Variants in GALNTL6 observed in about 807,000 individuals in gnomAD.
GALNTL6 encodes polypeptide N-acetylgalactosaminyltransferase like 6.
GALNTL6 carries 46 observed loss-of-function variants against 73.7 expected under a neutral mutation model. That is an observed-to-expected ratio of 0.62 (90% CI 0.49 to 0.80). The LOEUF (loss-of-function observed/expected upper bound fraction) is 0.80, where lower values mean the gene tolerates loss of function less well. GALNTL6 is among the 30% of genes least tolerant of loss of function. GALNTL6 has a pLI of 0.00. For missense variants in GALNTL6, 604 were observed against 755.0 expected (o/e 0.80, Z 2.34); for synonymous variants, 259 against 263.7 (o/e 0.98, Z 0.17).
intron 2 of GALNTL6, among the ~76,000 whole-genome samples, chr4:172,053,929 CACAAATTATGAGTTTCAAAATCAAA>C: frequency 6.6e-6 from 1 of 151,970 alleles, no homozygotes; most frequent in Non-Finnish European, 1.5e-5. Context: ...CTAAAGTAAT[CACAAATTATGAGTTTCAAAATCAAA>C]GCACAATTGT....
At chr4:172,044,985 A>G (rs966161483) in intron 2 of GALNTL6, among the ~76,000 whole-genome samples, 3 of 152,058 alleles carry the variant, frequency 2.0e-5, no homozygotes, top group African/African-American at 7.2e-5. Flanking sequence ...ACCCATGTCA[A>G]GTATGCCAGC....
intron 5 of GALNTL6, among the ~76,000 whole-genome samples, chr4:172,774,458 A>C (rs1738956999): frequency 6.6e-6 from 1 of 152,210 alleles, no homozygotes; most frequent in Non-Finnish European, 1.5e-5. Context: ...TCAACCCTAC[A>C]ATGTGATGAT....
chr4:172,498,093 C>T (rs1185037415), intron 5 of GALNTL6, among the ~76,000 whole-genome samples: 2 of 149,972 alleles, frequency 1.3e-5, no homozygotes, highest in African/African-American at 2.5e-5. Flanking sequence ...CAGGTTCCAG[C>T]GACTCTCCTG....
intron 7 of GALNTL6, among the ~76,000 whole-genome samples, chr4:172,854,235 A>G (rs1651606008): frequency 6.6e-6 from 1 of 151,998 alleles, no homozygotes; most frequent in African/African-American, 2.4e-5. Flanking sequence ...ATCCTACTCT[A>G]AATTCTGGTA....
chr4:172,121,256 A>AG (rs1248263364), intron 2 of GALNTL6, among the ~76,000 whole-genome samples: 2 of 75,128 alleles, frequency 2.7e-5, no homozygotes, highest in Non-Finnish European at 5.7e-5. Context: ...CTCAAGAAGC[A>AG]TTGTGTGTGT....
intron 3 of GALNTL6, among the ~76,000 whole-genome samples, chr4:172,294,865 C>T (rs1368300173): frequency 6.6e-6 from 1 of 151,784 alleles, no homozygotes; most frequent in African/African-American, 2.4e-5. Flanking sequence ...TTCAGAAGCC[C>T]ACATAGAAAG....
rs1292949235 is a variant in GALNTL6, at chr4:172,596,798, TACAC to T, written c.554-212560_554-212557del. The stretch of plus-strand genomic sequence containing the variant: ...TATATACATGTATATTTTATAGACT[TACAC>T]ACTATCAGTTTTGGGAAAAGCAAAT... On this transcript the variant is annotated intron_variant, in intron 5 of 12. Coordinates refer to ENST00000506823, the MANE Select transcript of GALNTL6 (RefSeq NM_001034845.3). Among the ~76,000 whole-genome samples, 24 of 152,348 alleles carry T rather than the reference TACAC, an allele frequency of 1.6e-4. No homozygotes were observed. The East Asian group carries it at 1.7e-3, about 11-fold the overall frequency.
chr4:172,048,367 G>C (rs1371896524), intron 2 of GALNTL6, among the ~76,000 whole-genome samples: 1 of 152,106 alleles, frequency 6.6e-6, no homozygotes, highest in African/African-American at 2.4e-5. Flanking sequence ...GATATGTCCA[G>C]AACTATTTTG....
chr4:172,425,180 G>C (rs542496608), intron 5 of GALNTL6: 1 of 152,050 alleles, frequency 6.6e-6, no homozygotes, highest in Non-Finnish European at 1.5e-5. Flanking sequence ...AATAATATAT[G>C]TGAACAATGC....
chr4:172,228,815 A>G (rs1736954905), intron 2 of GALNTL6, among the ~76,000 whole-genome samples: 1 of 152,242 alleles, frequency 6.6e-6, no homozygotes, highest in Non-Finnish European at 1.5e-5. Context: ...ATTACCAGAA[A>G]TAAACATCAT....
chr4:172,701,832 GTAAA>G (rs1051339017), intron 5 of GALNTL6, among the ~76,000 whole-genome samples: 8 of 151,866 alleles, frequency 5.3e-5, no homozygotes, highest in South Asian at 2.1e-4. Context: ...TTTCTCTTAT[GTAAA>G]TAAATAAATA....
intron 3 of GALNTL6, among the ~76,000 whole-genome samples, chr4:172,301,490 T>G (rs1288929912): frequency 1.3e-5 from 2 of 152,186 alleles, no homozygotes; most frequent in Admixed American, 6.5e-5. Flanking sequence ...TTTCCCCATC[T>G]TTGTGGTTTT....
At chr4:171,987,516 G>GA in intron 2 of GALNTL6, among the ~76,000 whole-genome samples, 1 of 152,320 alleles carries the variant, frequency 6.6e-6, no homozygotes, top group Non-Finnish European at 1.5e-5. Flanking sequence ...TTAGTTTTCT[G>GA]ACTTGGGGCA....
At chr4:172,537,245 A>G (rs1476586980) in intron 5 of GALNTL6, among the ~76,000 whole-genome samples, 1 of 152,152 alleles carries the variant, frequency 6.6e-6, no homozygotes, top group Admixed American at 6.5e-5. Context: ...CCAGGGTGGA[A>G]TGATACAGTT....
chr4:172,929,467 G>A (rs1230369481), intron 8 of GALNTL6, among the ~76,000 whole-genome samples: 1 of 152,134 alleles, frequency 6.6e-6, no homozygotes, highest in Non-Finnish European at 1.5e-5. Context: ...TTAATTTTAA[G>A]GAATTGGTCC....
At chr4:172,849,714 A>G (rs1743712171) in intron 7 of GALNTL6, among the ~76,000 whole-genome samples, 1 of 152,220 alleles carries the variant, frequency 6.6e-6, no homozygotes, top group Admixed American at 6.5e-5. Flanking sequence ...TTTATGTAAT[A>G]AAACAATAAT....
At chr4:171,862,734 T>C (rs373276595) in intron 2 of GALNTL6, among the ~76,000 whole-genome samples, 8 of 152,150 alleles carry the variant, frequency 5.3e-5, no homozygotes, top group African/African-American at 1.4e-4. Context: ...AATATTTTCC[T>C]TTGTAAATAT....
At chr4:171,833,858 A>G (rs1226381800) in intron 2 of GALNTL6, among the ~76,000 whole-genome samples, 1 of 151,824 alleles carries the variant, frequency 6.6e-6, no homozygotes, top group African/African-American at 2.4e-5. Flanking sequence ...CATTTCTCCA[A>G]CCCATAATTA....
chr4:172,444,097 G>A (rs1167579172), intron 5 of GALNTL6, among the ~76,000 whole-genome samples: 2 of 152,168 alleles, frequency 1.3e-5, no homozygotes, highest in African/African-American at 4.8e-5. Context: ...GATGGTGAGA[G>A]AGAGAAAGAG....
Sources: allele counts gnomAD v4.1 joint callset (sites outside exome capture counted in the v4.1 genomes callset), GRCh38; gene constraint gnomAD v4.1.1; transcripts MANE v1.5; gene names NCBI Gene and HGNC (gene_info 2026-07-23, HGNC 2026-07-21).